EPHA6: variants seen among roughly 807,000 people sequenced by gnomAD.
EPHA6 encodes the protein ephrin type-A receptor 6.
A neutral mutation model predicts 112.0 loss-of-function variants in EPHA6; 50 were observed. The ratio of observed to expected loss-of-function variants is 0.45; its 90% CI spans 0.36 to 0.56. EPHA6 has a LOEUF of 0.56. Ranked by LOEUF, EPHA6 falls within the 20% of genes least tolerant of loss-of-function variation. The pLI, the probability that EPHA6 is intolerant of heterozygous loss-of-function variation, is 0.00. For missense variants in EPHA6, 1,280 were observed against 1,417.4 expected (o/e 0.90, Z 1.56); for synonymous variants, 529 against 490.7 (o/e 1.08, Z -1.03).
At chr3:97,624,906 A>T (rs2093843138) in intron 13 of EPHA6, among the ~76,000 whole-genome samples, 1 of 151,576 alleles carries the variant, frequency 6.6e-6, no homozygotes, top group Non-Finnish European at 1.5e-5. Flanking sequence ...TTACACCTTC[A>T]TTCTGGTTTT....
intron 2 of EPHA6, among the ~76,000 whole-genome samples, chr3:96,881,775 C>T (rs929479681): frequency 2.0e-5 from 3 of 152,156 alleles, no homozygotes; most frequent in Non-Finnish European, 4.4e-5. Context: ...TTAATTACTT[C>T]CTGGGTACAG....
At chr3:97,225,589 A>G (rs541129257) in intron 3 of EPHA6, among the ~76,000 whole-genome samples, 2 of 152,270 alleles carry the variant, frequency 1.3e-5, no homozygotes, top group African/African-American at 2.4e-5. Flanking sequence ...ACTATTGTAT[A>G]TTTGTGTACC....
intron 2 of EPHA6, among the ~76,000 whole-genome samples, chr3:96,881,232 A>C (rs1265773960): frequency 6.6e-6 from 1 of 152,072 alleles, no homozygotes; most frequent in Non-Finnish European, 1.5e-5. Flanking sequence ...GAAATTGATA[A>C]ATCATTGTAT....
chr3:97,090,230 A>G (rs1053602039), intron 3 of EPHA6, among the ~76,000 whole-genome samples: 3 of 152,048 alleles, frequency 2.0e-5, no homozygotes, highest in Non-Finnish European at 4.4e-5. Context: ...TTAAGTTACT[A>G]ATTTTTATCT....
chr3:97,338,873 A>C (rs2083180158), intron 5 of EPHA6, among the ~76,000 whole-genome samples: 2 of 152,168 alleles, frequency 1.3e-5, no homozygotes, highest in South Asian at 2.1e-4. Flanking sequence ...CTTCCCACAG[A>C]AAACAGGACT....
intron 5 of EPHA6, among the ~76,000 whole-genome samples, chr3:97,296,858 A>C (rs1000930196): frequency 5.9e-5 from 9 of 152,090 alleles, no homozygotes; most frequent in Admixed American, 1.3e-4. Context: ...CTAAATACCC[A>C]ACTGGGTCCA....
At chr3:97,392,591 T>A (rs1486381050) in intron 5 of EPHA6, among the ~76,000 whole-genome samples, 1 of 151,810 alleles carries the variant, frequency 6.6e-6, no homozygotes, top group East Asian at 1.9e-4. Flanking sequence ...ACATACTTTT[T>A]AAAATGTATT....
At chr3:97,416,932 T>C (rs1298254218) in intron 6 of EPHA6, among the ~76,000 whole-genome samples, 2 of 152,122 alleles carry the variant, frequency 1.3e-5, no homozygotes, top group African/African-American at 2.4e-5. Flanking sequence ...TTCCCTTTTT[T>C]AAAGGCTCAG....
intron 3 of EPHA6, among the ~76,000 whole-genome samples, chr3:97,201,668 T>A (rs893321130): frequency 6.6e-6 from 1 of 152,180 alleles, no homozygotes; most frequent in African/African-American, 2.4e-5. Context: ...GTTAAATTTG[T>A]ATAACATTAA....
chr3:97,092,252 T>G (rs1203122001), intron 3 of EPHA6, among the ~76,000 whole-genome samples: 3 of 152,096 alleles, frequency 2.0e-5, no homozygotes, highest in African/African-American at 7.2e-5. Context: ...TATACCCAGA[T>G]CTTATTCTGC....
At chr3:97,528,786 G>A (rs1428867500) in intron 10 of EPHA6, among the ~76,000 whole-genome samples, 3 of 152,086 alleles carry the variant, frequency 2.0e-5, no homozygotes, top group African/African-American at 7.2e-5. Flanking sequence ...ACTTTAATAT[G>A]ACCCTGTATA....
chr3:97,400,120 T>C (rs897498080), intron 5 of EPHA6, among the ~76,000 whole-genome samples: 2 of 151,718 alleles, frequency 1.3e-5, no homozygotes, highest in Non-Finnish European at 3.0e-5. Flanking sequence ...TTTTTGTATA[T>C]GGTGAGAGAT....
intron 2 of EPHA6, among the ~76,000 whole-genome samples, chr3:96,868,649 A>G (rs186795297): frequency 3.5e-4 from 53 of 152,082 alleles, no homozygotes; most frequent in African/African-American, 1.1e-3. Flanking sequence ...GATTTTACAA[A>G]TATGTCATGG....
At chr3:97,394,130 T>A (rs2086570786) in intron 5 of EPHA6, among the ~76,000 whole-genome samples, 2 of 151,720 alleles carry the variant, frequency 1.3e-5, no homozygotes, top group African/African-American at 2.4e-5. Context: ...TGCAGCCAAC[T>A]GCTTTTCAAA....
At chr3:96,850,987 T>A (rs2035350152) in intron 1 of EPHA6, among the ~76,000 whole-genome samples, 1 of 152,152 alleles carries the variant, frequency 6.6e-6, no homozygotes, top group African/African-American at 2.4e-5. Context: ...TCACTTAGTA[T>A]AATCAAATAT....
chr3:97,593,746 A>G (rs981941642), intron 12 of EPHA6, among the ~76,000 whole-genome samples: 2 of 152,130 alleles, frequency 1.3e-5, no homozygotes, highest in Admixed American at 1.3e-4. Flanking sequence ...CTTTTCAATT[A>G]CTCTTTTCTA....
chr3:97,057,806 A>G (rs2108109342), intron 3 of EPHA6, among the ~76,000 whole-genome samples: 1 of 152,298 alleles, frequency 6.6e-6, no homozygotes, highest in South Asian at 2.1e-4. Context: ...GTTATTTCTA[A>G]GAACAGAGGG....
intron 2 of EPHA6, among the ~76,000 whole-genome samples, chr3:96,907,690 A>G (rs1575998042): frequency 6.6e-6 from 1 of 151,838 alleles, no homozygotes; most frequent in Non-Finnish European, 1.5e-5. Context: ...TTATTTTATT[A>G]TGGAACTTAA....
chr3:96,945,511 C>T lies in EPHA6; in HGVS notation c.451-41819C>T, dbSNP rs888629657. ...TATGTTGCATGTGTTACTAACCCTA[C>T]AAAATAAAATCATAGACCTGTGTTA... On this transcript the variant is annotated intron_variant, in intron 2 of 17. Coordinates refer to ENST00000389672, the MANE Select transcript of EPHA6 (RefSeq NM_001080448.3). Among the ~76,000 whole-genome samples, 5 of 152,134 alleles carry T rather than the reference C, an allele frequency of 3.3e-5. No homozygotes were observed. In the East Asian group the frequency reaches 9.6e-4, roughly 29 times the overall value.
Sources: gnomAD v4.1 joint callset for allele counts (sites outside exome capture counted in the v4.1 genomes callset) on GRCh38, gnomAD v4.1.1 for gene constraint, MANE v1.5 for transcripts, NCBI Gene and HGNC (gene_info 2026-07-23, HGNC 2026-07-21) for gene names.